ACAA1: variants seen among roughly 807,000 people sequenced by gnomAD.
The protein encoded by ACAA1 is 3-ketoacyl-CoA thiolase, peroxisomal.
ACAA1 carries 44 observed loss-of-function variants against 48.8 expected under a neutral mutation model. That is an observed-to-expected ratio of 0.90 (90% CI 0.71 to 1.16). The LOEUF is 1.16. Among genes scored for constraint, ACAA1 ranks in the 50% most tolerant of loss-of-function variants. The pLI, the probability that ACAA1 is intolerant of heterozygous loss-of-function variation, is 0.00. For missense variants in ACAA1, 512 were observed against 562.3 expected, an observed-to-expected ratio of 0.91 and a Z score of 0.90; for synonymous variants, 233 against 226.5, an observed-to-expected ratio of 1.03 and a Z score of -0.26.
chr3:38,131,475 G>A (rs73827609), intron 5 of ACAA1, 121 bp downstream of exon 5: 50 of 1,035,490 alleles, frequency 4.8e-5, no homozygotes, highest in East Asian at 3.2e-4. Context: ...GAACCCACTC[G>A]TGGCCAGCTG....
At chr3:38,130,894 T>A (rs184144238) in intron 5 of ACAA1, among the ~76,000 whole-genome samples, 4 of 152,332 alleles carry the variant, frequency 2.6e-5, no homozygotes, top group Non-Finnish European at 5.9e-5. Flanking sequence ...CGGAGGCATG[T>A]CAGAACCCTG....
At chr3:38,127,763 A>T in intron 7 of ACAA1, 23 bp downstream of exon 7, 2 of 1,612,070 alleles carry the variant, frequency 1.2e-6, no homozygotes, top group Non-Finnish European at 1.7e-6. Flanking sequence ...CCCTTTAAAC[A>T]TTCCTCCCCA....
chr3:38,124,747 C>CT (rs1700639810), intron 11 of ACAA1: 1 of 152,212 alleles, frequency 6.6e-6, no homozygotes, highest in Non-Finnish European at 1.5e-5. Flanking sequence ...TTTTTATGTA[C>CT]ATGCACAAGG....
chr3:38,136,554 G>A (rs775468325), intron 2 of ACAA1, 38 bp downstream of exon 2: 5 of 1,607,686 alleles, frequency 3.1e-6, no homozygotes, highest in Admixed American at 1.7e-5. Flanking sequence ...ACGGAAGAAC[G>A]GGGAAGGCCC....
intron 11 of ACAA1, chr3:38,123,694 T>A (rs1322424421): frequency 6.6e-6 from 1 of 152,390 alleles, no homozygotes; most frequent in Non-Finnish European, 1.5e-5. Flanking sequence ...TTTTAAAAGA[T>A]TGATTTAAAA....
At chr3:38,136,087 C>T (rs1055852518) in intron 2 of ACAA1, among the ~76,000 whole-genome samples, 1 of 152,186 alleles carries the variant, frequency 6.6e-6, no homozygotes, top group African/African-American at 2.4e-5. Flanking sequence ...GGTTAACAAG[C>T]CACATCCTGC....
intron 5 of ACAA1, among the ~76,000 whole-genome samples, chr3:38,130,855 A>G (rs1194142060): frequency 6.6e-6 from 1 of 152,190 alleles, no homozygotes; most frequent in Non-Finnish European, 1.5e-5. Flanking sequence ...TCCTCTCAAG[A>G]AATACCCTAA....
At position 38,126,361 on chromosome 3, in the gene ACAA1, G is replaced by A. The variant is rs1326872900; in HGVS notation, c.818-20C>T. 1 of 1,611,626 alleles carries A rather than the reference G, an allele frequency of 6.2e-7. No homozygotes were observed. Among genetic ancestry groups the A allele is most frequent in the South Asian group, 1.1e-5 (1 of 90,856 alleles). ...AGTTTCCTAGGGGCAAACTGTTGGG[G>A]TAAGAAGGCATCGGGGTGGGGATGA... On this transcript the variant is annotated intron_variant, in intron 8 of 11. Coordinates refer to ENST00000333167, the MANE Select transcript of ACAA1 (RefSeq NM_001607.4). The surrounding 1 kb of genome is among the most constrained non-coding windows in gnomAD (Gnocchi z 4.7).
In ACAA1 at chr3:38,129,289, C is replaced by A. The variant is rs1211393816; in HGVS notation, c.545+1G>T. ...GCACACAGAGCTATGGGAGCACTCA[C>A]CCCATAGGAATCAGGCAATCTCTGG... On this transcript the variant is annotated splice_donor_variant, in intron 6 of 11. Coordinates refer to ENST00000333167, the MANE Select transcript of ACAA1 (RefSeq NM_001607.4). LOFTEE classifies it high-confidence loss of function. This position sits in a 1 kb window ranked among gnomAD's most constrained non-coding sequence, Gnocchi z 5.3. The A allele has an allele frequency of 3.1e-6, 5 of 1,611,494 alleles. No homozygotes were observed. The South Asian group carries it at 5.5e-5, about 18-fold the overall frequency.
chr3:38,126,641 G>A lies in ACAA1; in HGVS notation c.686C>T (p.Thr229Met), dbSNP rs774228565. The change falls in exon 8 of 12, where the codon ACG (threonine) becomes ATG (methionine). Residue 229 changes from threonine (T) to methionine (M), a missense_variant. Physicochemically the swap from Thr to Met is moderately conservative, Grantham distance 81. Transcript: ENST00000333167. This position sits in a 1 kb window ranked among gnomAD's most constrained non-coding sequence, Gnocchi z 4.7. The part of the protein sequence containing the change: ...FQAEIVPVTT[T>M]VHDDKGTKRS... Reference sequence around the variant, plus strand: ...CTTGGTGCCCTTGTCATCATGGACCGTGGTGGTCACAGGCACAATCTCAGC... The same window carrying A: ...CTTGGTGCCCTTGTCATCATGGACCATGGTGGTCACAGGCACAATCTCAGC... 1.1e-5 allele frequency: 18 copies of A among 1,614,038 alleles called. No homozygotes were observed. The highest frequency in any genetic ancestry group is 4.5e-5 in the East Asian group (2 of 44,898).
chr3:38,136,720 T>C, intron 1 of ACAA1, 35 bp from the exon 2 acceptor site: 1 of 1,567,586 alleles, frequency 6.4e-7, no homozygotes, highest in Non-Finnish European at 8.7e-7. Context: ...TGACCCCCAC[T>C]CCCCCATGCC....
chr3:38,127,686 C>T, intron 7 of ACAA1, 100 bp downstream of exon 7: 2 of 1,272,884 alleles, frequency 1.6e-6, no homozygotes, highest in Non-Finnish European at 2.3e-6. Flanking sequence ...GCACTCACTG[C>T]CCAGCAGTAA....
At chr3:38,124,332 C>T (rs1438632940) in intron 11 of ACAA1, 1 of 152,178 alleles carries the variant, frequency 6.6e-6, no homozygotes, top group Non-Finnish European at 1.5e-5. Flanking sequence ...TAGAGCCAGG[C>T]ACTGTGGCTC....
intron 11 of ACAA1, chr3:38,124,831 C>T (rs935505355): frequency 1.3e-5 from 2 of 152,192 alleles, no homozygotes; most frequent in Admixed American, 6.5e-5. Context: ...AAAAGTGTGT[C>T]CCGGCTCTGA....
chr3:38,123,186 GACCCA>G, intron 11 of ACAA1, 64 bp from the exon 12 acceptor site: 1 of 1,480,328 alleles, frequency 6.8e-7, no homozygotes, highest in Non-Finnish European at 9.4e-7. Context: ...AGACCAGGCT[GACCCA>G]GAAGGACGTC....
At chr3:38,123,201 C>G in intron 11 of ACAA1, 79 bp from the exon 12 acceptor site, 1 of 1,395,226 alleles carries the variant, frequency 7.2e-7, no homozygotes. Flanking sequence ...AGAAGGACGT[C>G]ATGGACAAGT....
At chr3:38,123,209 A>C in intron 11 of ACAA1, 87 bp from the exon 12 acceptor site, 2 of 1,313,472 alleles carry the variant, frequency 1.5e-6, no homozygotes, top group East Asian at 2.3e-5. Context: ...GTCATGGACA[A>C]GTAGGATGCA....
Position 38,125,341 on chromosome 3 carries a change from G to A in ACAA1, c.1199+224C>T, listed in dbSNP as rs896765807. 4 of 414,826 alleles carry A rather than the reference G, an allele frequency of 9.6e-6. No homozygotes were observed. In the South Asian group the frequency reaches 4.7e-4, roughly 48 times the overall value. The allele number at this position is 414,826 out of a possible 1,614,324, so 25.7% of individuals were successfully genotyped here. On this transcript the variant is annotated intron_variant, in intron 11 of 11. Coordinates refer to ENST00000333167, the MANE Select transcript of ACAA1 (RefSeq NM_001607.4). ...AAGAAGGGGGTAAAGAGTAGAACAT[G>A]GAGTTTGATCTGTAACTGAACAATC...
At chr3:38,133,855 A>G (rs1700835770) in intron 3 of ACAA1, 97 bp downstream of exon 3, 1 of 1,340,638 alleles carries the variant, frequency 7.5e-7, no homozygotes, top group African/African-American at 1.4e-5. Context: ...CTGGTGTCCA[A>G]CCTTATCCTC....
Sources: gnomAD v4.1 joint callset for allele counts (sites outside exome capture counted in the v4.1 genomes callset) on GRCh38, gnomAD v4.1.1 for gene constraint, Gnocchi (gnomAD v3.1) non-coding constraint, MANE v1.5 for transcripts, NCBI Gene and HGNC (gene_info 2026-07-23, HGNC 2026-07-21) for gene names.